Variants in ANO7 observed in about 807,000 individuals in gnomAD.
ANO7 encodes the protein anoctamin-7.
In ANO7, 114 loss-of-function variants were observed where a neutral mutation model predicts 115.8. That is an observed-to-expected ratio of 0.98 (90% CI 0.85 to 1.15). The LOEUF is 1.15. Ranked by LOEUF, ANO7 falls within the 50% of genes most tolerant of loss-of-function variation. The pLI is 0.00. For synonymous variants in ANO7, 550 were observed against 498.2 expected (o/e 1.10, Z -1.38); for missense variants, 1,302 against 1,201.2 (o/e 1.08, Z -1.24).
At chr2:241,191,963 G>A (rs138539675) in intron 3 of ANO7, among the ~76,000 whole-genome samples, 1 of 152,320 alleles carries the variant, frequency 6.6e-6, no homozygotes, top group Non-Finnish European at 1.5e-5. Context: ...TGGGGGCCCC[G>A]GGGAGATATC....
chr2:241,210,606 G>T (rs755625583), intron 15 of ANO7, 36 bp downstream of exon 15: 2 of 1,583,884 alleles, frequency 1.3e-6, no homozygotes, highest in Non-Finnish European at 1.7e-6. Context: ...ACTGACCAGG[G>T]GCCCACCCTG....
the ANO7 span, chr2:241,236,577 C>A: frequency 6.2e-7 from 1 of 1,607,660 alleles, no homozygotes; most frequent in East Asian, 2.2e-5. Context: ...GCTGACTGGG[C>A]CTTGGCGGGG....
chr2:241,199,285 C>T (rs1481245235), intron 4 of ANO7, 31 bp from the exon 5 acceptor site: 1 of 1,585,734 alleles, frequency 6.3e-7, no homozygotes, highest in East Asian at 2.2e-5. Flanking sequence ...CATGCACCCT[C>T]AGGCTCTCAC....
chr2:241,208,006 C>A, intron 11 of ANO7, among the ~76,000 whole-genome samples: 1 of 152,144 alleles, frequency 6.6e-6, no homozygotes, highest in East Asian at 1.9e-4. Context: ...CAGGCAAAAC[C>A]AAAGGTTTTG....
downstream of ANO7, chr2:241,229,797 C>T (rs760042773): frequency 1.0e-5 from 16 of 1,556,248 alleles, no homozygotes; most frequent in South Asian, 1.5e-4. Flanking sequence ...CGCCCACCCT[C>T]CCTGGGACCC....
intron 17 of ANO7, among the ~76,000 whole-genome samples, chr2:241,213,236 C>A (rs2149234672): frequency 6.7e-6 from 1 of 148,712 alleles, no homozygotes; most frequent in East Asian, 1.9e-4. Context: ...CCTCATGGCA[C>A]ACAGGGGTCG....
chr2:241,201,465 G>A (rs1323933190), intron 7 of ANO7, 110 bp downstream of exon 7: 19 of 1,220,956 alleles, frequency 1.6e-5, no homozygotes, highest in Admixed American at 2.3e-5. Flanking sequence ...CCAGAGGGCC[G>A]AGGCCTGGAG....
intron 21 of ANO7, among the ~76,000 whole-genome samples, 191 bp downstream of exon 21, chr2:241,218,572 G>C (rs2068928859): frequency 2.0e-5 from 3 of 152,172 alleles, no homozygotes; most frequent in African/African-American, 7.2e-5. Context: ...AAGGGACGGA[G>C]CTTTGCGGGG....
intron 4 of ANO7, among the ~76,000 whole-genome samples, chr2:241,197,124 G>T (rs1415706648): frequency 6.6e-6 from 1 of 152,194 alleles, no homozygotes; most frequent in Non-Finnish European, 1.5e-5. Flanking sequence ...TTTTGAGAGA[G>T]AGTCTCGCTC....
chr2:241,229,434 G>A (rs1037482242), downstream of ANO7: 27 of 580,268 alleles, frequency 4.7e-5, no homozygotes, highest in Non-Finnish European at 8.3e-5. Context: ...AGGCCTGGAG[G>A]AGCGGCCGCA....
At chr2:241,193,482 C>T (rs1444392484) in intron 3 of ANO7, among the ~76,000 whole-genome samples, 2 of 152,140 alleles carry the variant, frequency 1.3e-5, no homozygotes, top group African/African-American at 2.4e-5. Flanking sequence ...CAGCCACAGG[C>T]CTACCCCTCC....
Position 241,224,133 on chromosome 2 carries a change from G to T in ANO7, c.2620G>T (p.Ala874Ser), listed in dbSNP as rs1052818603. The T allele has an allele frequency of 1.3e-6, 2 of 1,599,710 alleles. No homozygotes were observed. The highest frequency in any genetic ancestry group is 1.3e-5 in the African/African-American group (1 of 74,882). Residue 874 changes from alanine (A) to serine (S), a missense_variant, in exon 25 of 25, where the codon GCC (alanine) becomes TCC (serine). By Grantham distance (99) the Ala-to-Ser change is moderately conservative. Transcript: ENST00000674324. ...CTGGACACCCTTCACGGTTCCCAAGGCCAGCCAGCTGCAGCAGTGACGCCT... is the reference window on the plus strand; with the variant it reads ...CTGGACACCCTTCACGGTTCCCAAGTCCAGCCAGCTGCAGCAGTGACGCCT... ...SHWTPFTVPKASQLQQ is the reference protein window; with the variant it reads ...SHWTPFTVPKSSQLQQ
chr2:241,232,677 G>A, the ANO7 span, among the ~76,000 whole-genome samples: 19 of 152,046 alleles, frequency 1.2e-4, no homozygotes, highest in Admixed American at 3.3e-4. Context: ...GGCTGGGAGC[G>A]GTGGCTCACA....
At chr2:241,202,352 C>T in intron 8 of ANO7, 48 bp downstream of exon 8, 1 of 1,563,584 alleles carries the variant, frequency 6.4e-7, no homozygotes, top group Non-Finnish European at 8.7e-7. Flanking sequence ...GAGATGAGTC[C>T]CCTTGGGTCC....
intron 11 of ANO7, among the ~76,000 whole-genome samples, chr2:241,209,010 G>T: frequency 6.6e-6 from 1 of 152,278 alleles, no homozygotes; most frequent in East Asian, 1.9e-4. Context: ...TTAGCCGGGC[G>T]TGGTGGCGGG....
At position 241,201,362 on chromosome 2, in the gene ANO7, G is replaced by A. The variant is rs1269192964; in HGVS notation, c.612+7G>A. On this transcript the variant is annotated splice_region_variant and intron_variant, in intron 7 of 24. Coordinates refer to ENST00000674324, the MANE Select transcript of ANO7 (RefSeq NM_001370694.2). ...CACCAAGAGGCACCAAATTGTGAGT[G>A]GGGGTTCCCTGCCGCGGGCCCCAAA... The A allele has an allele frequency of 8.7e-6, 14 of 1,611,610 alleles. No homozygotes were observed. Among genetic ancestry groups the A allele is most frequent in the South Asian group, 1.1e-5 (1 of 90,682 alleles).
At chr2:241,195,943 C>G (rs780174612) in intron 4 of ANO7, 98 bp downstream of exon 4, 1 of 1,606,928 alleles carries the variant, frequency 6.2e-7, no homozygotes, top group Non-Finnish European at 8.5e-7. Context: ...TGTCCAGAGT[C>G]CCAGAGCAGA....
At chr2:241,233,529 C>G in the ANO7 span, among the ~76,000 whole-genome samples, 382 of 152,252 alleles carry the variant, frequency 2.5e-3, 1 homozygote, top group African/African-American at 8.7e-3. The surrounding 1 kb of genome is among the most constrained non-coding windows in gnomAD (Gnocchi z 4.3). Context: ...TGAGCTACAC[C>G]TGGAGGCGCC....
rs143768769 is a variant in ANO7, at chr2:241,209,383, C to A, written c.1176C>A (p.Ala392=). 356 of 1,582,792 alleles carry A rather than the reference C, an allele frequency of 2.2e-4. No homozygotes were observed. The highest frequency in any genetic ancestry group is 2.9e-4 in the Non-Finnish European group (337 of 1,165,164). ...LLLEYWKRKS[A]TLAYRWDCSD... The stretch of plus-strand genomic sequence containing the variant: ...TGGAGTACTGGAAGCGGAAGAGCGC[C>A]ACGCTGGCCTACCGCTGGGACTGCT... The change falls in exon 12 of 25, where the codon GCC becomes GCA. Residue 392 remains alanine, a synonymous_variant. Coordinates refer to ENST00000674324, the MANE Select transcript of ANO7 (RefSeq NM_001370694.2).
Sources: gnomAD v4.1 joint callset for allele counts (sites outside exome capture counted in the v4.1 genomes callset) on GRCh38, gnomAD v4.1.1 for gene constraint, Gnocchi (gnomAD v3.1) non-coding constraint, MANE v1.5 for transcripts, NCBI Gene and HGNC (gene_info 2026-07-23, HGNC 2026-07-21) for gene names.